The following TMEM44 variants were observed in gnomAD, a reference collection of about 807,000 sequenced individuals.
TMEM44 encodes transmembrane protein 44.
TMEM44 carries 43 observed loss-of-function variants against 47.8 expected under a neutral mutation model. That is an observed-to-expected ratio of 0.90 (90% confidence interval 0.70 to 1.16). TMEM44 has a LOEUF of 1.16. TMEM44 is among the 50% of genes most tolerant of loss of function. The pLI is 0.00. For synonymous variants in TMEM44, 277 were observed against 238.8 expected (o/e 1.16, Z -1.48); for missense variants, 568 against 555.2 (o/e 1.02, Z -0.23).
At chr3:194,589,943 C>T (rs1041195726) in intron 9 of TMEM44, 3 of 151,960 alleles carry the variant, frequency 2.0e-5, no homozygotes, top group Non-Finnish European at 2.9e-5. Flanking sequence ...TTCTGAGGCA[C>T]AAGGTCACAT....
chr3:194,617,073 G>T, intron 6 of TMEM44, 26 bp downstream of exon 6: 1 of 1,460,464 alleles, frequency 6.8e-7, no homozygotes, highest in Non-Finnish European at 9.1e-7. Flanking sequence ...TGCAAGCAGG[G>T]AGCTCCCCAG....
In TMEM44 at chr3:194,633,060, C is replaced by CCG. The variant is rs1717993130; in HGVS notation, c.137+18_137+19insCG. On this transcript the variant is annotated intron_variant, in intron 1 of 9. Coordinates refer to ENST00000347147, the MANE Select transcript of TMEM44 (RefSeq NM_001011655.3). ...CCCGTTTCCCCGCCCGACAGCCCCC[C>CCG]GACCCGTGGCCCCATTACAGCGCGT... is the stretch of plus-strand genomic sequence containing the variant. 9.7e-6 allele frequency: 15 copies of CCG among 1,546,796 alleles called. No homozygotes were observed. The South Asian group carries it at 1.4e-4, about 15-fold the overall frequency.
intron 1 of TMEM44, among the ~76,000 whole-genome samples, chr3:194,632,320 C>G (rs1249522120): frequency 1.3e-5 from 2 of 152,236 alleles, no homozygotes; most frequent in Admixed American, 6.5e-5. Context: ...CCACTGAGTG[C>G]CTACAGGGAG....
At chr3:194,614,962 C>T (rs1410991081) in intron 7 of TMEM44, among the ~76,000 whole-genome samples, 1 of 152,080 alleles carries the variant, frequency 6.6e-6, no homozygotes, top group Non-Finnish European at 1.5e-5. Context: ...CTGGGCTACG[C>T]ACCACGGCTT....
At chr3:194,623,075 T>G in intron 5 of TMEM44, 149 bp downstream of exon 5, 3 of 723,840 alleles carry the variant, frequency 4.1e-6, no homozygotes, top group Non-Finnish European at 4.3e-6. Context: ...CTTGCTGTCA[T>G]ACACACTAAC....
intron 8 of TMEM44, among the ~76,000 whole-genome samples, chr3:194,606,768 C>T (rs1231999826): frequency 1.3e-5 from 2 of 151,844 alleles, no homozygotes; most frequent in African/African-American, 2.4e-5. Context: ...GGCGAAACCC[C>T]TTCTCTACTA....
At chr3:194,615,358 C>T (rs1311891866) in intron 7 of TMEM44, among the ~76,000 whole-genome samples, 2 of 152,210 alleles carry the variant, frequency 1.3e-5, no homozygotes, top group Admixed American at 1.3e-4. Flanking sequence ...CCGTCCACTC[C>T]ATGCCAGTAA....
Position 194,604,365 on chromosome 3 carries a change from G to A in TMEM44, c.1098C>T (p.Tyr366=). ...GDASLQDPPS[Y]PPVQVIRARV... Reference sequence around the variant, plus strand: ...GGGCCCGGATGACCTGAACGGGAGGGTACGACGGGGGGTCCTGCAGGGACG... The same window carrying A: ...GGGCCCGGATGACCTGAACGGGAGGATACGACGGGGGGTCCTGCAGGGACG... Residue 366 remains tyrosine (Y), a synonymous_variant, in exon 9 of 10, where the codon TAC becomes TAT. Coordinates refer to ENST00000347147, the MANE Select transcript of TMEM44 (RefSeq NM_001011655.3). The A allele has an allele frequency of 6.4e-7, 1 of 1,564,088 alleles. No individual in the cohort carries two copies. The highest frequency in any genetic ancestry group is 8.7e-7 in the Non-Finnish European group (1 of 1,154,412).
At chr3:194,602,431 A>G (rs1381367228) in intron 9 of TMEM44, among the ~76,000 whole-genome samples, 2 of 152,052 alleles carry the variant, frequency 1.3e-5, no homozygotes. Context: ...GTGAAACCTC[A>G]TCTTTACTAA....
At chr3:194,618,133 C>G (rs929735125) in intron 5 of TMEM44, among the ~76,000 whole-genome samples, 1 of 152,198 alleles carries the variant, frequency 6.6e-6, no homozygotes, top group Non-Finnish European at 1.5e-5. Flanking sequence ...GAGACCGGAT[C>G]AGAAGAGCTG....
At chr3:194,617,357 G>A in intron 5 of TMEM44, 88 bp from the exon 6 acceptor site, 4 of 1,384,836 alleles carry the variant, frequency 2.9e-6, no homozygotes, top group African/African-American at 1.5e-5. Flanking sequence ...TGCGGGGCAA[G>A]CCCTCTGCCT....
rs780497689 is a variant in TMEM44 at position 194,604,386 on chromosome 3, G to GGAC, written c.1074_1076dup (p.Ser359dup). Reference sequence around the variant, plus strand: ...GAGGGTACGACGGGGGGTCCTGCAGGGACGCATCTCCGGCGCTCGTCTGCC... The same window carrying GGAC: ...GAGGGTACGACGGGGGGTCCTGCAGGGACGACGCATCTCCGGCGCTCGTCTGCC... On this transcript the variant is annotated inframe_insertion, in exon 9 of 10. Transcript: ENST00000347147. 1.3e-6 allele frequency: 2 copies of GGAC among 1,551,212 alleles called. No homozygotes were observed. Among genetic ancestry groups the GGAC allele is most frequent in the Admixed American group, 3.9e-5 (2 of 51,058 alleles).
At chr3:194,614,166 C>T (rs930596719) in intron 7 of TMEM44, among the ~76,000 whole-genome samples, 1 of 152,002 alleles carries the variant, frequency 6.6e-6, no homozygotes, top group South Asian at 2.1e-4. Context: ...ACCAAAAAAA[C>T]CACAAGGAAT....
chr3:194,598,374 C>T (rs1241308248), intron 9 of TMEM44, among the ~76,000 whole-genome samples: 1 of 152,196 alleles, frequency 6.6e-6, no homozygotes, highest in Non-Finnish European at 1.5e-5. Context: ...GGATAATAAA[C>T]ATGCTCCTGC....
At chr3:194,626,550 G>T (rs1237468734) in intron 2 of TMEM44, among the ~76,000 whole-genome samples, 1 of 152,146 alleles carries the variant, frequency 6.6e-6, no homozygotes, top group African/African-American at 2.4e-5. Context: ...TACTAGATGG[G>T]TGACCCTTAA....
chr3:194,592,943 C>T (rs1712946360), intron 9 of TMEM44: 1 of 1,415,956 alleles, frequency 7.1e-7, no homozygotes, highest in Non-Finnish European at 1.0e-6. Flanking sequence ...AGGAATTTGT[C>T]ATGGGTCTAG....
At chr3:194,630,424 T>C (rs1301806014) in intron 1 of TMEM44, among the ~76,000 whole-genome samples, 1 of 102,298 alleles carries the variant, frequency 9.8e-6, no homozygotes, top group Non-Finnish European at 1.9e-5. Context: ...CCTGAAATAA[T>C]ACGCTGTCGT....
chr3:194,601,563 A>T (rs573339086), intron 9 of TMEM44, among the ~76,000 whole-genome samples: 1 of 151,860 alleles, frequency 6.6e-6, no homozygotes, highest in Non-Finnish European at 1.5e-5. Flanking sequence ...TTGGCCTCCC[A>T]AAGTACTGGG....
chr3:194,591,489 T>C (rs1259194575), intron 9 of TMEM44, among the ~76,000 whole-genome samples: 1 of 150,090 alleles, frequency 6.7e-6, no homozygotes, highest in East Asian at 1.9e-4. Context: ...AGTGAAATTC[T>C]GTCTCAAAAA....
Sources: allele counts gnomAD v4.1 joint callset (sites outside exome capture counted in the v4.1 genomes callset), GRCh38; gene constraint gnomAD v4.1.1; transcripts MANE v1.5; gene names NCBI Gene and HGNC (gene_info 2026-07-23, HGNC 2026-07-21).